TRHDE: variants seen among roughly 807,000 people sequenced by gnomAD.
TRHDE encodes thyrotropin releasing hormone degrading enzyme.
TRHDE carries 72 observed loss-of-function variants against 125.7 expected under a neutral mutation model. That is an observed-to-expected ratio of 0.57 (90% confidence interval 0.47 to 0.70). The LOEUF (loss-of-function observed/expected upper bound fraction) is 0.70, where lower values mean the gene tolerates loss of function less well. Among genes scored for constraint, TRHDE ranks in the 30% least tolerant of loss-of-function variants. The pLI, the probability that TRHDE is intolerant of heterozygous loss-of-function variation, is 0.00. For missense variants in TRHDE, 1,110 were observed against 1,327.1 expected, an observed-to-expected ratio of 0.84 and a Z score of 2.54; for synonymous variants, 509 against 509.1, an observed-to-expected ratio of 1.00 and a Z score of 0.00.
At chr12:72,150,273 A>G (rs1402270310) in intron 2 of TRHDE, among the ~76,000 whole-genome samples, 2 of 152,216 alleles carry the variant, frequency 1.3e-5, no homozygotes, top group African/African-American at 2.4e-5. Flanking sequence ...TCCTAAGGAA[A>G]AGGGATTTTA....
At chr12:72,180,159 G>A (rs1442946328) in intron 2 of TRHDE, among the ~76,000 whole-genome samples, 1 of 151,516 alleles carries the variant, frequency 6.6e-6, no homozygotes, top group African/African-American at 2.4e-5. Context: ...ATGTATTAGG[G>A]TACTAAGTTG....
At chr12:72,356,107 T>C (rs1870805821) in intron 2 of TRHDE, among the ~76,000 whole-genome samples, 1 of 151,754 alleles carries the variant, frequency 6.6e-6, no homozygotes, top group Non-Finnish European at 1.5e-5. Flanking sequence ...ATTGCAGCAC[T>C]ATTCACAATA....
chr12:72,116,763 T>A (rs1434530074), intron 2 of TRHDE, among the ~76,000 whole-genome samples: 1 of 151,890 alleles, frequency 6.6e-6, no homozygotes, highest in Non-Finnish European at 1.5e-5. Context: ...TTGCCAACAT[T>A]TTTTCCCATT....
At chr12:72,638,606 T>A (rs1054637575) in intron 15 of TRHDE, among the ~76,000 whole-genome samples, 1 of 152,152 alleles carries the variant, frequency 6.6e-6, no homozygotes, top group Non-Finnish European at 1.5e-5. Context: ...GTCTCGATGG[T>A]CTTTACATTT....
intron 2 of TRHDE, among the ~76,000 whole-genome samples, chr12:72,160,506 G>A (rs1876612205): frequency 6.6e-6 from 1 of 152,028 alleles, no homozygotes; most frequent in Non-Finnish European, 1.5e-5. Context: ...GCCAAACATA[G>A]CAAAACAACA....
chr12:72,370,114 T>C lies in TRHDE; in HGVS notation c.1189-7881T>C, dbSNP rs561756211. Among the ~76,000 whole-genome samples, 17 of 152,280 alleles carry C rather than the reference T, an allele frequency of 1.1e-4. No homozygotes were observed. In the East Asian group the frequency reaches 3.3e-3, roughly 29 times the overall value. On this transcript the variant is annotated intron_variant, in intron 2 of 18. Coordinates refer to ENST00000261180, the MANE Select transcript of TRHDE (RefSeq NM_013381.3). ...CTCCCACTTGTTCAACTGGGTCTCA[T>C]GTGTTCCAGCAGGTCACTGGAGTGA...
In TRHDE at chr12:72,663,706, T is replaced by C. The variant is rs1047219693; in HGVS notation, c.*511T>C. On this transcript the variant is annotated 3_prime_UTR_variant, in exon 19 of 19. Transcript: ENST00000261180. ...AGAAAAACTAAAAACAGAAATGATA[T>C]TCTCAATTTTGGGCAATGTGAGAGG... The C allele has an allele frequency of 2.6e-4, 40 of 152,542 alleles. No individual in the cohort carries two copies. The highest frequency in any genetic ancestry group is 9.2e-4 in the African/African-American group (38 of 41,444). The allele number at this position is 152,542 out of a possible 1,614,324, so 9.4% of individuals were successfully genotyped here.
intron 2 of TRHDE, among the ~76,000 whole-genome samples, chr12:72,343,698 T>A (rs1162450837): frequency 1.3e-5 from 2 of 152,154 alleles, no homozygotes; most frequent in East Asian, 3.9e-4. Context: ...ATATACTTTC[T>A]TATATGATTT....
intron 6 of TRHDE, among the ~76,000 whole-genome samples, chr12:72,530,701 G>C (rs970144416): frequency 6.6e-6 from 1 of 150,974 alleles, no homozygotes; most frequent in African/African-American, 2.4e-5. Context: ...AACATGGCTT[G>C]CTTCTTCATT....
At chr12:72,417,042 C>T (rs1051558355) in intron 3 of TRHDE, among the ~76,000 whole-genome samples, 6 of 151,904 alleles carry the variant, frequency 3.9e-5, no homozygotes, top group African/African-American at 1.4e-4. Context: ...TAATTTCTTT[C>T]ATCAATATTT....
At chr12:72,206,049 C>A (rs1351230562) in intron 2 of TRHDE, among the ~76,000 whole-genome samples, 1 of 150,860 alleles carries the variant, frequency 6.6e-6, no homozygotes, top group Admixed American at 6.6e-5. Flanking sequence ...GCCATCCTAA[C>A]AGGTGTGGCA....
chr12:72,163,797 C>G (rs1876685719), intron 2 of TRHDE, among the ~76,000 whole-genome samples: 1 of 152,120 alleles, frequency 6.6e-6, no homozygotes, highest in South Asian at 2.1e-4. Flanking sequence ...GTTTAATTGT[C>G]CTACAACTAT....
intron 7 of TRHDE, among the ~76,000 whole-genome samples, chr12:72,547,447 T>C (rs901937473): frequency 2.6e-5 from 4 of 151,820 alleles, no homozygotes; most frequent in South Asian, 2.1e-4. Context: ...CAGTAATATA[T>C]AAAATTTGTA....
intron 2 of TRHDE, among the ~76,000 whole-genome samples, chr12:72,172,337 A>T (rs1316772584): frequency 6.6e-6 from 1 of 152,222 alleles, no homozygotes; most frequent in African/African-American, 2.4e-5. Flanking sequence ...ATACAATTCT[A>T]AGCCTTTCAC....
In TRHDE at chr12:72,639,950, C is replaced by T. The variant is rs866226707; in HGVS notation, c.2676-12372C>T. ...TTAAGTCTGTAGAGGTTACTGCTGT[C>T]TTTTTGTTTGTCTGTGCCCTGCCCC... On this transcript the variant is annotated intron_variant, in intron 15 of 18. Coordinates refer to ENST00000261180, the MANE Select transcript of TRHDE (RefSeq NM_013381.3). Among the ~76,000 whole-genome samples, 438 of 85,094 alleles carry T rather than the reference C, an allele frequency of 5.1e-3. 1 individual carries two copies. The highest frequency in any genetic ancestry group is 0.018 in the African/African-American group (413 of 22,444). 55.8% of individuals were successfully genotyped at this position (85,094 alleles called of 152,430 possible).
At chr12:72,342,643 T>C (rs2135731670) in intron 2 of TRHDE, among the ~76,000 whole-genome samples, 1 of 152,242 alleles carries the variant, frequency 6.6e-6, no homozygotes, top group South Asian at 2.1e-4. Flanking sequence ...TATAAGTAGA[T>C]TTAACTAGTA....
chr12:72,249,996 G>GAA (rs1366649098), intron 2 of TRHDE, among the ~76,000 whole-genome samples: 1 of 152,086 alleles, frequency 6.6e-6, no homozygotes, highest in Non-Finnish European at 1.5e-5. Context: ...CTGATAAGAA[G>GAA]AACTGCATAA....
At chr12:72,181,098 C>T (rs1313448202) in intron 2 of TRHDE, among the ~76,000 whole-genome samples, 1 of 152,098 alleles carries the variant, frequency 6.6e-6, no homozygotes, top group Non-Finnish European at 1.5e-5. Flanking sequence ...CTTATTTTTC[C>T]TGGCGGCACC....
At chr12:72,172,566 T>C (rs144780868) in intron 2 of TRHDE, among the ~76,000 whole-genome samples, 1 of 152,224 alleles carries the variant, frequency 6.6e-6, no homozygotes, top group Non-Finnish European at 1.5e-5. Flanking sequence ...GTATGACCAA[T>C]ATAACACTGA....
Sources: allele counts gnomAD v4.1 joint callset (sites outside exome capture counted in the v4.1 genomes callset), GRCh38; gene constraint gnomAD v4.1.1; transcripts MANE v1.5; gene names NCBI Gene and HGNC (gene_info 2026-07-23, HGNC 2026-07-21).